FRMPD4: variants seen among roughly 807,000 people sequenced by gnomAD.
FRMPD4 encodes FERM and PDZ domain containing 4, also known as FERM and PDZ domain-containing protein 4.
In FRMPD4, 22 loss-of-function variants were observed where a neutral mutation model predicts 94.1. That is an observed-to-expected ratio of 0.23 (90% CI 0.17 to 0.33). The LOEUF is 0.33. Among genes scored for constraint, FRMPD4 ranks in the 10% least tolerant of loss-of-function variants. The pLI is 1.00. For missense variants in FRMPD4, 1,111 were observed against 1,339.9 expected (o/e 0.83, Z 2.67); for synonymous variants, 631 against 548.6 (o/e 1.15, Z -2.10).
intron 1 of FRMPD4, among the ~76,000 whole-genome samples, chrX:12,147,895 A>G (rs1308994779): frequency 2.7e-5 from 3 of 111,930 alleles, no homozygotes; most frequent in African/African-American, 9.7e-5. Flanking sequence ...GTTTGATGTT[A>G]CTATTGCAAT....
intron 3 of FRMPD4, among the ~76,000 whole-genome samples, chrX:12,084,177 TG>T (rs370234603): frequency 0.047 from 2,522 of 53,765 alleles, 43 homozygotes; most frequent in African/African-American, 0.096. Flanking sequence ...AGGGACCCAG[TG>T]GGGGGGGGGG....
chrX:12,598,257 C>T (rs2059051464), intron 2 of FRMPD4, among the ~76,000 whole-genome samples: 1 of 110,294 alleles, frequency 9.1e-6, no homozygotes, highest in African/African-American at 3.3e-5. Flanking sequence ...CTAGATTTCT[C>T]CATGAAAGAG....
chrX:12,065,395 T>C (rs2054912390), intron 3 of FRMPD4, among the ~76,000 whole-genome samples: 1 of 112,127 alleles, frequency 8.9e-6, no homozygotes, highest in Non-Finnish European at 1.9e-5. Flanking sequence ...CAATTTCATA[T>C]TGTCATCAGG....
chrX:12,308,580 C>T (rs964249729), intron 1 of FRMPD4, among the ~76,000 whole-genome samples: 2 of 111,507 alleles, frequency 1.8e-5, no homozygotes, highest in African/African-American at 3.3e-5. Context: ...CTTGAAGGAG[C>T]GGGTGTGCTG....
At chrX:12,639,089 A>T (rs1056554441) in intron 4 of FRMPD4, among the ~76,000 whole-genome samples, 1 of 111,608 alleles carries the variant, frequency 9.0e-6, no homozygotes, top group Non-Finnish European at 1.9e-5. Flanking sequence ...GGTATGAATC[A>T]TATTCTGGCA....
intron 9 of FRMPD4, among the ~76,000 whole-genome samples, chrX:12,699,744 T>C (rs949828605): frequency 3.6e-5 from 4 of 112,646 alleles, no homozygotes; most frequent in Non-Finnish European, 5.6e-5. Flanking sequence ...GGCATACAAA[T>C]ATATTTAACG....
intron 3 of FRMPD4, among the ~76,000 whole-genome samples, chrX:12,063,601 T>G (rs927847636): frequency 9.0e-6 from 1 of 111,416 alleles, no homozygotes; most frequent in Non-Finnish European, 1.9e-5. Flanking sequence ...AAAAGAAAAA[T>G]AATTATCCAG....
intron 1 of FRMPD4, among the ~76,000 whole-genome samples, chrX:12,425,315 G>C (rs1239389413): frequency 8.9e-6 from 1 of 111,997 alleles, no homozygotes; most frequent in Non-Finnish European, 1.9e-5. Flanking sequence ...AACCAGAGTT[G>C]TATTTCTTGT....
At chrX:12,661,737 T>C (rs1192771442) in intron 4 of FRMPD4, among the ~76,000 whole-genome samples, 1 of 111,988 alleles carries the variant, frequency 8.9e-6, no homozygotes, top group Non-Finnish European at 1.9e-5. Context: ...ACATTTCCAC[T>C]CTCTCCAGCT....
chrX:12,373,393 A>C (rs1481834739), intron 1 of FRMPD4: 5 of 112,308 alleles, frequency 4.5e-5, no homozygotes, highest in Non-Finnish European at 9.4e-5. Context: ...GGCACTAAGT[A>C]ATAATCAGAT....
chrX:12,465,910 T>G lies in FRMPD4; in HGVS notation c.42-32770T>G, dbSNP rs11796332. On this transcript the variant is annotated intron_variant, in intron 1 of 16. Transcript: ENST00000675598. ...AAAGGGTAGAGACTGTGGATAACTTTTGCTGTTAGACTGGAACCCTGGGTT... is the reference window on the plus strand; with the variant it reads ...AAAGGGTAGAGACTGTGGATAACTTGTGCTGTTAGACTGGAACCCTGGGTT... Among the ~76,000 whole-genome samples the G allele has an allele frequency of 7.2e-5, 8 of 111,000 alleles. No individual in the cohort carries two copies. The South Asian group carries it at 3.0e-3, about 42-fold the overall frequency.
chrX:11,914,905 G>A (rs1026766143), intron 3 of FRMPD4, among the ~76,000 whole-genome samples: 1 of 112,211 alleles, frequency 8.9e-6, no homozygotes, highest in East Asian at 2.8e-4. Context: ...ACATTTTCAC[G>A]TTGAGATTTG....
At position 12,718,540 on chromosome X, in the gene FRMPD4, G is replaced by A. The variant is rs148954983; in HGVS notation, c.3714G>A (p.Pro1238=). 1.6e-5 allele frequency: 19 copies of A among 1,200,137 alleles called. No individual in the cohort carries two copies. The highest frequency in any genetic ancestry group is 3.5e-5 in the South Asian group (2 of 56,549). ...GSACATPVES[P]LCPSLGKHLI... is the part of the protein sequence containing the mutation. ...CCTGTGCCACACCCGTGGAGTCGCC[G>A]CTCTGCCCCTCCCTGGGGAAGCACT... is the stretch of plus-strand genomic sequence containing the variant. Residue 1238 remains proline, a synonymous_variant, in exon 16 of 17, where the codon CCG becomes CCA. Coordinates refer to ENST00000675598, the MANE Select transcript of FRMPD4 (RefSeq NM_001368397.1).
intron 3 of FRMPD4, among the ~76,000 whole-genome samples, chrX:12,000,996 T>C (rs1002907792): frequency 8.9e-6 from 1 of 112,298 alleles, no homozygotes; most frequent in Non-Finnish European, 1.9e-5. Flanking sequence ...CCAGTGTGAA[T>C]ATTCATGCAT....
chrX:12,612,053 T>C (rs1455948296), intron 3 of FRMPD4, among the ~76,000 whole-genome samples: 1 of 111,521 alleles, frequency 9.0e-6, no homozygotes, highest in Admixed American at 9.5e-5. Flanking sequence ...TGAGATCATA[T>C]ATTTTACACA....
intron 3 of FRMPD4, among the ~76,000 whole-genome samples, chrX:12,007,943 A>G (rs1479579600): frequency 9.0e-6 from 1 of 111,648 alleles, no homozygotes; most frequent in African/African-American, 3.3e-5. Flanking sequence ...GCCCCCATGA[A>G]TGCTAGGAGG....
At chrX:12,212,848 G>C (rs752795556) in intron 1 of FRMPD4, among the ~76,000 whole-genome samples, 35 of 111,920 alleles carry the variant, frequency 3.1e-4, no homozygotes, top group Admixed American at 7.6e-4. Flanking sequence ...TAATTTGGTA[G>C]AAAGCCCAGT....
At chrX:12,595,133 G>A (rs1415798425) in intron 2 of FRMPD4, among the ~76,000 whole-genome samples, 2 of 112,015 alleles carry the variant, frequency 1.8e-5, no homozygotes, top group African/African-American at 6.5e-5. Context: ...AAATCCAACT[G>A]AAAGGTTAGA....
At chrX:12,391,349 T>C (rs1354243125) in intron 1 of FRMPD4, among the ~76,000 whole-genome samples, 1 of 111,923 alleles carries the variant, frequency 8.9e-6, no homozygotes, top group Non-Finnish European at 1.9e-5. Context: ...CCTACAGACA[T>C]CTGTGAAAAA....
Sources: allele counts gnomAD v4.1 joint callset (sites outside exome capture counted in the v4.1 genomes callset), GRCh38; gene constraint gnomAD v4.1.1; transcripts MANE v1.5; gene names NCBI Gene and HGNC (gene_info 2026-07-23, HGNC 2026-07-21).